Variants in CNTLN observed in about 807,000 individuals in gnomAD.
CNTLN encodes centlein.
In CNTLN, 212 loss-of-function variants were observed where a neutral mutation model predicts 180.0. The observed-to-expected ratio is 1.18, with a 90% CI of 1.05 to 1.32. CNTLN has a LOEUF of 1.32. CNTLN is among the 40% of genes most tolerant of loss of function. The pLI, the probability that CNTLN is intolerant of heterozygous loss-of-function variation, is 0.00. For synonymous variants in CNTLN, 722 were observed against 563.1 expected (o/e 1.28, Z -3.99); for missense variants, 2,095 against 1,610.9 (o/e 1.30, Z -5.14).
At chr9:17,508,169 T>C (rs1267621629), downstream of CNTLN, among the ~76,000 whole-genome samples, 2 of 152,186 alleles carry the variant, frequency 1.3e-5, no homozygotes, top group African/African-American at 4.8e-5. Flanking sequence ...ATGAATTCAG[T>C]GATGGACCCA....
intron 2 of CNTLN, among the ~76,000 whole-genome samples, chr9:17,165,590 G>A (rs1035354661): frequency 1.5e-5 from 2 of 137,444 alleles, no homozygotes; most frequent in Non-Finnish European, 3.0e-5. Context: ...TAAGGAGCAT[G>A]TAGACTCTCT....
intron 5 of CNTLN, among the ~76,000 whole-genome samples, chr9:17,267,596 A>T (rs1053192853): frequency 8.6e-5 from 13 of 151,968 alleles, no homozygotes; most frequent in South Asian, 8.3e-4. Context: ...AACTTGCTAG[A>T]TTGGGGAAGT....
At chr9:17,390,598 A>G (rs909524903) in intron 14 of CNTLN, among the ~76,000 whole-genome samples, 2 of 152,150 alleles carry the variant, frequency 1.3e-5, no homozygotes, top group African/African-American at 4.8e-5. Context: ...CTATAAGAAA[A>G]TATGGGCTTG....
At chr9:17,458,854 G>A (rs1375359961) in intron 19 of CNTLN, among the ~76,000 whole-genome samples, 1 of 151,770 alleles carries the variant, frequency 6.6e-6, no homozygotes, top group Non-Finnish European at 1.5e-5. Flanking sequence ...AAATGTGAAG[G>A]AAGAAGTGTT....
intron 15 of CNTLN, among the ~76,000 whole-genome samples, chr9:17,401,968 G>A (rs186042249): frequency 2.8e-4 from 43 of 151,798 alleles, no homozygotes; most frequent in Non-Finnish European, 4.9e-4. Flanking sequence ...ATAAAAAGAC[G>A]CATCAATAGA....
At chr9:17,359,725 CAA>C (rs1176814681) in intron 12 of CNTLN, among the ~76,000 whole-genome samples, 1 of 21,334 alleles carries the variant, frequency 4.7e-5, no homozygotes, top group African/African-American at 1.2e-4. Flanking sequence ...ACTAAAAATA[CAA>C]AAAAAAAAAA....
At chr9:17,460,154 C>G (rs753963918) in intron 19 of CNTLN, among the ~76,000 whole-genome samples, 2 of 151,530 alleles carry the variant, frequency 1.3e-5, no homozygotes, top group African/African-American at 2.4e-5. Context: ...GGTTCATTTA[C>G]AGTTGAGAAA....
At chr9:17,435,573 T>C (rs541529569) in intron 18 of CNTLN, among the ~76,000 whole-genome samples, 2 of 142,392 alleles carry the variant, frequency 1.4e-5, no homozygotes, top group African/African-American at 2.5e-5. Context: ...TTTTTTTTTT[T>C]CTTTGAGACA....
At chr9:17,180,342 CTAA>C (rs1821044429) in intron 2 of CNTLN, among the ~76,000 whole-genome samples, 1 of 130,566 alleles carries the variant, frequency 7.7e-6, no homozygotes, top group Non-Finnish European at 1.6e-5. Flanking sequence ...AGTGGTTGCT[CTAA>C]TTATTATATT....
intron 5 of CNTLN, among the ~76,000 whole-genome samples, chr9:17,246,779 C>T (rs1168366373): frequency 1.3e-5 from 2 of 152,146 alleles, no homozygotes; most frequent in Non-Finnish European, 2.9e-5. Context: ...CCACTCTTCT[C>T]TCCCTTTTCT....
At chr9:17,501,402 T>C (rs925693279) in intron 25 of CNTLN, among the ~76,000 whole-genome samples, 1 of 152,210 alleles carries the variant, frequency 6.6e-6, no homozygotes, top group African/African-American at 2.4e-5. Context: ...ATGTGGTCTA[T>C]TTGTTTTTGC....
intron 2 of CNTLN, among the ~76,000 whole-genome samples, chr9:17,217,575 C>T (rs908623191): frequency 1.3e-5 from 2 of 152,216 alleles, no homozygotes; most frequent in Non-Finnish European, 2.9e-5. Context: ...GGGGGCAACC[C>T]TGGTGATGTG....
rs1587361876 is a variant in CNTLN, at chr9:17,257,131, C to G, written c.850-16602C>G. Reference sequence around the variant, plus strand: ...CCTAATGCTATCCCTCCCCCCTCCTCCCACCCCACAACAGTCCCCAGAGTG... The same window carrying G: ...CCTAATGCTATCCCTCCCCCCTCCTGCCACCCCACAACAGTCCCCAGAGTG... On this transcript the variant is annotated intron_variant, in intron 5 of 25. Transcript: ENST00000380647. Among the ~76,000 whole-genome samples the G allele has an allele frequency of 2.6e-5, 4 of 151,830 alleles. No individual in the cohort carries two copies. In the South Asian group the frequency reaches 6.3e-4, roughly 24 times the overall value.
intron 5 of CNTLN, among the ~76,000 whole-genome samples, chr9:17,265,333 T>C (rs1262989124): frequency 6.6e-6 from 1 of 152,236 alleles, no homozygotes; most frequent in African/African-American, 2.4e-5. Context: ...GTTTATATGC[T>C]GGATTACACT....
rs201271465 is a variant in CNTLN, at chr9:17,394,949, C to A, written c.2495C>A (p.Ala832Asp). The stretch of plus-strand genomic sequence containing the variant: ...ACTATGACCAAGGTTAAATTTAAAG[C>A]TGCGAAGAAAAATTGCTCTGTGGGT... ...KTTMTKVKFKAAKKNCSVGRH... is the reference protein window; with the variant it reads ...KTTMTKVKFKDAKKNCSVGRH... Residue 832 changes from alanine (A) to aspartate (D), a missense_variant, in exon 15 of 26, where the codon GCT becomes GAT. By Grantham distance (126) the Ala-to-Asp change is moderately radical. Transcript: ENST00000380647. 6.2e-7 allele frequency: 1 copy of A among 1,614,078 alleles called. No individual in the cohort carries two copies. Among genetic ancestry groups the A allele is most frequent in the Non-Finnish European group, 8.5e-7 (1 of 1,179,976 alleles).
chr9:17,359,333 G>A (rs980525573), intron 12 of CNTLN, among the ~76,000 whole-genome samples: 1 of 151,688 alleles, frequency 6.6e-6, no homozygotes, highest in Non-Finnish European at 1.5e-5. Context: ...TCTTAAACCA[G>A]GCATAAAAAG....
At chr9:17,345,862 A>T (rs979350739) in intron 12 of CNTLN, among the ~76,000 whole-genome samples, 2 of 152,022 alleles carry the variant, frequency 1.3e-5, no homozygotes, top group Admixed American at 6.5e-5. Flanking sequence ...TATCCTTTCT[A>T]CTGTCCTCAT....
chr9:17,518,266 C>G, the CNTLN span, among the ~76,000 whole-genome samples: 1 of 151,924 alleles, frequency 6.6e-6, no homozygotes, highest in African/African-American at 2.4e-5. Context: ...CCAGGCTGGT[C>G]TTGAACTCCT....
At chr9:17,387,262 T>C (rs1181040246) in intron 13 of CNTLN, among the ~76,000 whole-genome samples, 1 of 152,166 alleles carries the variant, frequency 6.6e-6, no homozygotes, top group Non-Finnish European at 1.5e-5. Flanking sequence ...AAGCATACTT[T>C]AAAGCAAAAT....
Sources: gnomAD v4.1 joint callset for allele counts (sites outside exome capture counted in the v4.1 genomes callset) on GRCh38, gnomAD v4.1.1 for gene constraint, MANE v1.5 for transcripts, NCBI Gene and HGNC (gene_info 2026-07-23, HGNC 2026-07-21) for gene names.